AGBL1: variants seen among roughly 807,000 people sequenced by gnomAD.
AGBL1 encodes AGBL carboxypeptidase 1.
A neutral mutation model predicts 118.9 loss-of-function variants in AGBL1; 130 were observed. The ratio of observed to expected loss-of-function variants is 1.09; its 90% CI spans 0.95 to 1.26. AGBL1 has a LOEUF of 1.26. AGBL1 is among the 50% of genes most tolerant of loss of function. AGBL1 has a pLI of 0.00. For missense variants in AGBL1, 1,584 were observed against 1,298.1 expected, an observed-to-expected ratio of 1.22 and a Z score of -3.38; for synonymous variants, 555 against 478.9, an observed-to-expected ratio of 1.16 and a Z score of -2.08.
At chr15:86,395,123 G>T (rs1192282263) in intron 17 of AGBL1, among the ~76,000 whole-genome samples, 1 of 152,072 alleles carries the variant, frequency 6.6e-6, no homozygotes, top group South Asian at 2.1e-4. Context: ...TGACTCTATG[G>T]TTGAGAATGT....
At chr15:86,270,116 C>T (rs763786635) in intron 14 of AGBL1, 49 bp downstream of exon 14, 4 of 1,563,382 alleles carry the variant, frequency 2.6e-6, no homozygotes, top group Non-Finnish European at 3.5e-6. Flanking sequence ...CCAGGAATGA[C>T]ATTTCTTGAC....
intron 18 of AGBL1, among the ~76,000 whole-genome samples, chr15:86,422,721 G>A (rs956671802): frequency 2.6e-5 from 4 of 152,030 alleles, no homozygotes; most frequent in Non-Finnish European, 5.9e-5. Flanking sequence ...AAATAAAAGA[G>A]AGAAGAATCA....
rs114001443 is a variant in AGBL1, at chr15:86,624,881, C to T, written c.2995-49392C>T. 3.4e-3 allele frequency among the ~76,000 whole-genome samples: 512 copies of T among 152,234 alleles called. 2 individuals carry two copies. Among genetic ancestry groups the T allele is most frequent in the African/African-American group, 0.012 (489 of 41,554 alleles). On this transcript the variant is annotated intron_variant, in intron 21 of 22. Coordinates refer to ENST00000614907, the MANE Select transcript of AGBL1 (RefSeq NM_001386094.1). ...CCAAGTGAGTCAGCCCTGAGTCAGCCCAGCTGCTCAAAAATCATCTAGAAT... is the reference window on the plus strand; with the variant it reads ...CCAAGTGAGTCAGCCCTGAGTCAGCTCAGCTGCTCAAAAATCATCTAGAAT...
At chr15:86,146,665 T>C (rs567757649) in intron 3 of AGBL1, among the ~76,000 whole-genome samples, 4 of 152,328 alleles carry the variant, frequency 2.6e-5, no homozygotes, top group Admixed American at 2.6e-4. Context: ...ATTACTATTG[T>C]AGTGATTACA....
intron 22 of AGBL1, among the ~76,000 whole-genome samples, chr15:86,781,458 T>C (rs939596533): frequency 7.1e-6 from 1 of 141,430 alleles, no homozygotes; most frequent in Admixed American, 7.1e-5. Flanking sequence ...TGAGGCAATG[T>C]ATTCTGAGTG....
chr15:86,339,921 G>C (rs2080435775), intron 17 of AGBL1, among the ~76,000 whole-genome samples: 1 of 151,730 alleles, frequency 6.6e-6, no homozygotes. Flanking sequence ...AGCCGGGATT[G>C]TGCCACTGCC....
chr15:86,106,541 A>C (rs1235191407), intron 1 of AGBL1, among the ~76,000 whole-genome samples: 2 of 152,228 alleles, frequency 1.3e-5, no homozygotes, highest in Non-Finnish European at 2.9e-5. Flanking sequence ...TGGTTTTCAT[A>C]ATGGCGAGGG....
intron 22 of AGBL1, among the ~76,000 whole-genome samples, chr15:86,750,606 C>T (rs1449027902): frequency 6.6e-6 from 1 of 151,996 alleles, no homozygotes; most frequent in Non-Finnish European, 1.5e-5. Context: ...AATGGGATTG[C>T]TTATAAGAAT....
chr15:86,521,290 A>C (rs2083185924), intron 18 of AGBL1, among the ~76,000 whole-genome samples: 1 of 152,186 alleles, frequency 6.6e-6, no homozygotes, highest in Admixed American at 6.5e-5. Flanking sequence ...CTGTGTTTCA[A>C]ACAAAACAAA....
chr15:86,854,940 T>C (rs1038940194), intron 22 of AGBL1, among the ~76,000 whole-genome samples: 4 of 152,184 alleles, frequency 2.6e-5, no homozygotes, highest in African/African-American at 9.7e-5. Context: ...TTCAGTGATA[T>C]CTTATATAGT....
intron 22 of AGBL1, among the ~76,000 whole-genome samples, chr15:86,881,503 G>C (rs1186624066): frequency 6.6e-6 from 1 of 152,114 alleles, no homozygotes; most frequent in East Asian, 1.9e-4. Context: ...TTGCTAGCTT[G>C]GTTTCTTTTT....
chr15:86,654,035 C>G (rs2085422413), intron 21 of AGBL1, among the ~76,000 whole-genome samples: 1 of 152,178 alleles, frequency 6.6e-6, no homozygotes, highest in Non-Finnish European at 1.5e-5. Context: ...TTAGAATGTT[C>G]TTTCTTCACA....
chr15:86,588,781 T>A (rs1438343772), intron 21 of AGBL1, among the ~76,000 whole-genome samples: 1 of 152,208 alleles, frequency 6.6e-6, no homozygotes, highest in Non-Finnish European at 1.5e-5. Context: ...CAGCAAGAAC[T>A]GAACAGAAAC....
intron 16 of AGBL1, among the ~76,000 whole-genome samples, chr15:86,293,681 A>G (rs1431985871): frequency 6.6e-6 from 1 of 152,174 alleles, no homozygotes; most frequent in Non-Finnish European, 1.5e-5. Context: ...TCTTCTTACC[A>G]TATCTGTAGT....
In AGBL1 at chr15:86,529,331, T is replaced by A. The variant is rs1437779641; in HGVS notation, c.2685+6392T>A. On this transcript the variant is annotated intron_variant, in intron 19 of 22. Coordinates refer to ENST00000614907, the MANE Select transcript of AGBL1 (RefSeq NM_001386094.1). Reference sequence around the variant, plus strand: ...AGAATGCAGAAGCCTCAGGAGCCGATGCGATCAACTGGAAGAAAGGGTATC... The same window carrying A: ...AGAATGCAGAAGCCTCAGGAGCCGAAGCGATCAACTGGAAGAAAGGGTATC... Among the ~76,000 whole-genome samples the A allele has an allele frequency of 1.6e-3, 212 of 135,294 alleles. 6 individuals are homozygous for A. In the South Asian group the frequency reaches 0.044, roughly 28 times the overall value. The allele number at this position is 135,294 out of a possible 152,430, so 88.8% of individuals were successfully genotyped here. A position where few individuals can be genotyped will look rare whatever the true frequency, so the allele number is the denominator to read the frequency against.
At chr15:86,247,257 CT>C (rs1385935109) in intron 6 of AGBL1, among the ~76,000 whole-genome samples, 45 of 152,190 alleles carry the variant, frequency 3.0e-4, no homozygotes, top group South Asian at 2.1e-3. Context: ...CTTGTCATGT[CT>C]TTTTATTTCC....
chr15:86,754,660 C>T (rs946834338), intron 22 of AGBL1, among the ~76,000 whole-genome samples: 1 of 152,076 alleles, frequency 6.6e-6, no homozygotes, highest in Non-Finnish European at 1.5e-5. Flanking sequence ...TCAGCCTGGC[C>T]TCTCCTCAGT....
In AGBL1 at chr15:86,322,015, T is replaced by C. The variant is rs1051838360; in HGVS notation, c.2374+26607T>C. Among the ~76,000 whole-genome samples, 5 of 151,888 alleles carry C rather than the reference T, an allele frequency of 3.3e-5. No homozygotes were observed. The South Asian group carries it at 1.0e-3, about 32-fold the overall frequency. ...TAATTTTATTGTAAGCAGAGAATGT[T>C]ATCTGCCTGTTACCCATCCTTTGAT... On this transcript the variant is annotated intron_variant, in intron 17 of 22. Coordinates refer to ENST00000614907, the MANE Select transcript of AGBL1 (RefSeq NM_001386094.1).
intron 6 of AGBL1, among the ~76,000 whole-genome samples, chr15:86,237,206 A>G (rs563815737): frequency 6.6e-6 from 1 of 152,214 alleles, no homozygotes; most frequent in African/African-American, 2.4e-5. Flanking sequence ...CTCCTATAAC[A>G]ATAGTGACAC....
Sources: gnomAD v4.1 joint callset for allele counts (sites outside exome capture counted in the v4.1 genomes callset) on GRCh38, gnomAD v4.1.1 for gene constraint, MANE v1.5 for transcripts, NCBI Gene and HGNC (gene_info 2026-07-23, HGNC 2026-07-21) for gene names.